The following PDE1A variants were observed in gnomAD, a reference collection of about 807,000 sequenced individuals.
PDE1A encodes dual specificity calcium/calmodulin-dependent 3',5'-cyclic nucleotide phosphodiesterase 1A.
PDE1A carries 35 observed loss-of-function variants against 61.7 expected under a neutral mutation model. The ratio of observed to expected loss-of-function variants is 0.57; its 90% CI spans 0.43 to 0.75. The LOEUF (loss-of-function observed/expected upper bound fraction) is 0.75, where lower values mean the gene tolerates loss of function less well. Ranked by LOEUF, PDE1A falls within the 30% of genes least tolerant of loss-of-function variation. The pLI is 0.00. For missense variants in PDE1A, 597 were observed against 630.6 expected (o/e 0.95, Z 0.57); for synonymous variants, 232 against 213.2 (o/e 1.09, Z -0.77).
At chr2:182,167,973 C>G (rs1003539202) in exon 14 of PDE1A, 40 of 1,194,212 alleles carry the variant, frequency 3.3e-5, no homozygotes, top group Non-Finnish European at 3.4e-5. Context: ...TCGGTAAAGA[C>G]AAATGCCACA....
the PDE1A span, among the ~76,000 whole-genome samples, chr2:182,656,988 G>A: frequency 6.6e-6 from 1 of 152,166 alleles, no homozygotes; most frequent in African/African-American, 2.4e-5. Context: ...ACTTTGGGAG[G>A]CCAAGGTGGG....
chr2:182,595,769 G>A, the PDE1A span, among the ~76,000 whole-genome samples: 1 of 152,194 alleles, frequency 6.6e-6, no homozygotes, highest in Non-Finnish European at 1.5e-5. Flanking sequence ...GCTGGTGGGT[G>A]AGGGTGATTT....
chr2:182,377,206 G>T (rs1294048071), intron 1 of PDE1A, among the ~76,000 whole-genome samples: 1 of 152,186 alleles, frequency 6.6e-6, no homozygotes, highest in Non-Finnish European at 1.5e-5. Flanking sequence ...GAAGTATTTG[G>T]TTCATGAGGG....
At chr2:182,587,708 A>T in the PDE1A span, among the ~76,000 whole-genome samples, 1 of 152,176 alleles carries the variant, frequency 6.6e-6, no homozygotes. Context: ...CTTAGTCTTG[A>T]TGTTATATCT....
chr2:182,214,446 T>A (rs1484365025), intron 7 of PDE1A, among the ~76,000 whole-genome samples: 1 of 151,310 alleles, frequency 6.6e-6, no homozygotes, highest in African/African-American at 2.4e-5. Flanking sequence ...GACTAAATGC[T>A]CCAATGAAAA....
the PDE1A span, among the ~76,000 whole-genome samples, chr2:182,689,726 C>T: frequency 2.0e-5 from 3 of 152,052 alleles, no homozygotes; most frequent in African/African-American, 7.2e-5. Flanking sequence ...TTCAAAAAAT[C>T]AATGAATCCA....
chr2:182,208,744 A>G (rs1056218098), intron 7 of PDE1A, among the ~76,000 whole-genome samples: 5 of 152,210 alleles, frequency 3.3e-5, no homozygotes, highest in South Asian at 2.1e-4. Flanking sequence ...CATGGAGTCA[A>G]AAAGATTATT....
chr2:182,210,304 G>A (rs763416886), intron 7 of PDE1A, among the ~76,000 whole-genome samples: 1 of 152,136 alleles, frequency 6.6e-6, no homozygotes, highest in South Asian at 2.1e-4. Flanking sequence ...CCAGCTTTTG[G>A]TGTTGTTAGT....
Position 182,201,389 on chromosome 2 carries a change from T to C in PDE1A, c.1125+50A>G. 3 of 1,605,446 alleles carry C rather than the reference T, an allele frequency of 1.9e-6. No homozygotes were observed. The South Asian group carries it at 3.3e-5, about 18-fold the overall frequency. On this transcript the variant is annotated intron_variant, in intron 10 of 13. Coordinates refer to ENST00000351439, the Ensembl canonical transcript of PDE1A. ...CATACAGAAAAGGTGTACGCTAATA[T>C]GCACAGTCACTATTTCCAAAAACAT...
chr2:182,460,993 T>C (rs575842850), intron 2 of PDE1A, among the ~76,000 whole-genome samples: 2 of 152,260 alleles, frequency 1.3e-5, no homozygotes, highest in Admixed American at 1.3e-4. Flanking sequence ...TCAAATGAAC[T>C]AAGGAAAAAT....
chr2:182,568,919 C>T, the PDE1A span, among the ~76,000 whole-genome samples: 1 of 151,936 alleles, frequency 6.6e-6, no homozygotes, highest in Admixed American at 6.5e-5. Context: ...TCTCATCTTG[C>T]CAAGTTGCAA....
At chr2:182,622,778 G>A in the PDE1A span, among the ~76,000 whole-genome samples, 8 of 152,196 alleles carry the variant, frequency 5.3e-5, no homozygotes, top group East Asian at 1.2e-3. Flanking sequence ...TGAGAGCCTG[G>A]TGAAACACAA....
chr2:182,594,868 C>G, the PDE1A span, among the ~76,000 whole-genome samples: 1 of 152,140 alleles, frequency 6.6e-6, no homozygotes, highest in Non-Finnish European at 1.5e-5. Flanking sequence ...CTTCATGCTC[C>G]TTATTAGTTT....
In PDE1A at chr2:182,178,122, A is replaced by T. The variant is rs534521934; in HGVS notation, c.1516+7770T>A. Among the ~76,000 whole-genome samples, 287 of 152,276 alleles carry T rather than the reference A, an allele frequency of 1.9e-3. 2 individuals are homozygous for T. Among genetic ancestry groups the T allele is most frequent in the Non-Finnish European group, 2.5e-3 (170 of 68,020 alleles). On this transcript the variant is annotated intron_variant, in intron 13 of 13. Coordinates refer to ENST00000351439, the Ensembl canonical transcript of PDE1A. ...TGTTTGTTATAACAGGCTCATGCCTATTTAGACAAGGAGACACAGGGGTTG... is the reference window on the plus strand; with the variant it reads ...TGTTTGTTATAACAGGCTCATGCCTTTTTAGACAAGGAGACACAGGGGTTG...
chr2:182,484,109 A>C (rs970782164), intron 2 of PDE1A, among the ~76,000 whole-genome samples: 1 of 151,996 alleles, frequency 6.6e-6, no homozygotes, highest in African/African-American at 2.4e-5. Flanking sequence ...TTAGCAATTA[A>C]ATTCTTCCCA....
rs1343002780 is a variant in PDE1A at position 182,251,243 on chromosome 2, C to A, written c.168-10951G>T. Among the ~76,000 whole-genome samples, 5 of 152,248 alleles carry A rather than the reference C, an allele frequency of 3.3e-5. No homozygotes were observed. In the East Asian group the frequency reaches 9.7e-4, roughly 29 times the overall value. ...TGTAGTTTTGGAAGAAATATTTCAT[C>A]CGCGTGAGACTTAGTTCCTTTATCA... On this transcript the variant is annotated intron_variant, in intron 2 of 13. Coordinates refer to ENST00000351439, the Ensembl canonical transcript of PDE1A.
chr2:182,544,219 G>C, the PDE1A span, among the ~76,000 whole-genome samples: 1 of 152,146 alleles, frequency 6.6e-6, no homozygotes, highest in Non-Finnish European at 1.5e-5. Context: ...ACCAAGACTG[G>C]GTGATAAACA....
At chr2:182,594,387 C>G in the PDE1A span, among the ~76,000 whole-genome samples, 1 of 152,206 alleles carries the variant, frequency 6.6e-6, no homozygotes, top group Non-Finnish European at 1.5e-5. Flanking sequence ...AAGATCTGTG[C>G]TGTCTCCTTT....
At chr2:182,564,576 T>C in the PDE1A span, among the ~76,000 whole-genome samples, 2 of 152,162 alleles carry the variant, frequency 1.3e-5, no homozygotes, top group African/African-American at 2.4e-5. Context: ...GTTCTCTGTA[T>C]TTCCTGAATC....
Sources: allele counts gnomAD v4.1 joint callset (sites outside exome capture counted in the v4.1 genomes callset), GRCh38; gene constraint gnomAD v4.1.1; transcripts MANE v1.5; gene names NCBI Gene and HGNC (gene_info 2026-07-23, HGNC 2026-07-21).